Variants in RBFOX1 observed in about 807,000 individuals in gnomAD.
RBFOX1 encodes RNA binding fox-1 homolog 1, also known as RNA binding protein fox-1 homolog 1.
A neutral mutation model predicts 57.7 loss-of-function variants in RBFOX1; 8 were observed. The ratio of observed to expected loss-of-function variants is 0.14; its 90% confidence interval spans 0.08 to 0.25. The LOEUF (loss-of-function observed/expected upper bound fraction) is 0.25. Ranked by LOEUF, RBFOX1 falls within the 10% of genes least tolerant of loss-of-function variation. The pLI, the probability that RBFOX1 is intolerant of heterozygous loss-of-function variation, is 1.00. For synonymous variants in RBFOX1, 326 were observed against 222.4 expected (o/e 1.47, Z -4.15); for missense variants, 611 against 548.5 (o/e 1.11, Z -1.14).
At chr16:5,466,776 C>A (rs2068966795) in intron 1 of RBFOX1, among the ~76,000 whole-genome samples, 1 of 152,168 alleles carries the variant, frequency 6.6e-6, no homozygotes, top group African/African-American at 2.4e-5. Flanking sequence ...TGTCCCTGCC[C>A]CAGGGAGTGT....
intron 4 of RBFOX1, among the ~76,000 whole-genome samples, chr16:7,509,428 G>GTC (rs1567582917): frequency 6.9e-4 from 99 of 143,134 alleles, no homozygotes; most frequent in African/African-American, 2.6e-3. Flanking sequence ...GTGTGTGTGT[G>GTC]TGTCTGTGTC....
intron 2 of RBFOX1, among the ~76,000 whole-genome samples, chr16:6,433,907 G>A (rs2094166013): frequency 6.7e-6 from 1 of 148,392 alleles, no homozygotes; most frequent in South Asian, 2.1e-4. Context: ...GAATATAGTG[G>A]CACCATCTCT....
At chr16:7,470,591 G>A (rs146722039) in intron 4 of RBFOX1, among the ~76,000 whole-genome samples, 1 of 151,942 alleles carries the variant, frequency 6.6e-6, no homozygotes, top group Admixed American at 6.6e-5. Context: ...TGGATGGATG[G>A]GCGGATGGAT....
chr16:6,391,830 C>T (rs928201641), intron 2 of RBFOX1, among the ~76,000 whole-genome samples: 4 of 152,154 alleles, frequency 2.6e-5, no homozygotes, highest in Admixed American at 6.5e-5. Context: ...GAAGAGCTCA[C>T]ACTGAAGTAA....
intron 3 of RBFOX1, among the ~76,000 whole-genome samples, chr16:6,915,638 C>A (rs1268839140): frequency 2.0e-5 from 3 of 150,220 alleles, no homozygotes; most frequent in African/African-American, 4.9e-5. Flanking sequence ...GCAACCTCTG[C>A]CTCTCGGGTT....
intron 3 of RBFOX1, among the ~76,000 whole-genome samples, chr16:6,746,617 G>A (rs944519875): frequency 1.3e-5 from 2 of 151,960 alleles, no homozygotes; most frequent in Non-Finnish European, 2.9e-5. Flanking sequence ...AGTTGAGGCT[G>A]CAGTGACCTG....
At chr16:7,310,995 C>T (rs908866636) in intron 4 of RBFOX1, among the ~76,000 whole-genome samples, 2 of 152,340 alleles carry the variant, frequency 1.3e-5, no homozygotes, top group East Asian at 3.9e-4. Flanking sequence ...AATCCTCTGC[C>T]GTGTCCGGTC....
intron 2 of RBFOX1, among the ~76,000 whole-genome samples, chr16:6,498,851 G>A (rs1341569037): frequency 6.6e-6 from 1 of 152,146 alleles, no homozygotes; most frequent in Non-Finnish European, 1.5e-5. Context: ...CATGGTAAAA[G>A]CCATGGCACA....
Position 5,331,293 on chromosome 16 carries a change from G to A in RBFOX1, c.219+91188G>A, listed in dbSNP as rs530424460. Among the ~76,000 whole-genome samples the A allele has an allele frequency of 5.3e-5, 8 of 152,298 alleles. 1 individual carries two copies. The South Asian group carries it at 6.2e-4, about 12-fold the overall frequency. On this transcript the variant is annotated intron_variant, in intron 1 of 2. Coordinates refer to the RBFOX1 transcript ENST00000585867. ...ATGTATCTCACGTGCTTTGGGCTTC[G>A]TATCAGTCAACAAATGCTACAGAAG...
chr16:5,678,460 G>T (rs1384890017), intron 3 of RBFOX1, among the ~76,000 whole-genome samples: 2 of 152,192 alleles, frequency 1.3e-5, no homozygotes, highest in African/African-American at 4.8e-5. Flanking sequence ...AAAGTAAATA[G>T]ATTTAGGGCA....
At chr16:6,215,877 C>T (rs1039018849) in intron 1 of RBFOX1, among the ~76,000 whole-genome samples, 4 of 152,168 alleles carry the variant, frequency 2.6e-5, no homozygotes, top group African/African-American at 9.7e-5. Context: ...CACATGCCCA[C>T]TGAAAGGATC....
At chr16:6,016,275 G>T (rs987764347), upstream of RBFOX1, among the ~76,000 whole-genome samples, 2 of 151,400 alleles carry the variant, frequency 1.3e-5, no homozygotes, top group African/African-American at 4.8e-5. Context: ...GGCTGGGTAG[G>T]GAGTTGAGGG....
intron 4 of RBFOX1, among the ~76,000 whole-genome samples, chr16:7,485,851 C>G (rs936720806): frequency 6.6e-6 from 1 of 152,170 alleles, no homozygotes; most frequent in African/African-American, 2.4e-5. Context: ...CAGCAAGTGT[C>G]GGTCTGCAGG....
intron 5 of RBFOX1, 135 bp downstream of exon 5, chr16:7,518,524 A>G: frequency 1.0e-5 from 12 of 1,169,706 alleles, no homozygotes; most frequent in Non-Finnish European, 1.4e-5. Context: ...CCCTCATCAT[A>G]CCAGCTTCCT....
At chr16:6,119,640 TTGAAGGTGAGCTATAATCTAAAAC>T (rs1171939642) in intron 1 of RBFOX1, among the ~76,000 whole-genome samples, 1 of 152,188 alleles carries the variant, frequency 6.6e-6, no homozygotes, top group Non-Finnish European at 1.5e-5. Flanking sequence ...AACATTTATT[TTGAAGGTGAGCTATAATCTAAAAC>T]TGTCATTATT....
rs141869505 is a variant in RBFOX1, at chr16:7,592,307, G to A, written c.469-3242G>A. On this transcript the variant is annotated intron_variant, in intron 7 of 15. Coordinates refer to ENST00000550418, the MANE Select transcript of RBFOX1 (RefSeq NM_018723.4). ...TGAGGCTATTTCCTTTTTAGTTCATGCCCCTTCCTTGGGATTCAAAATGTA... is the reference window on the plus strand; with the variant it reads ...TGAGGCTATTTCCTTTTTAGTTCATACCCCTTCCTTGGGATTCAAAATGTA... Among the ~76,000 whole-genome samples the A allele has an allele frequency of 1.5e-3, 235 of 152,322 alleles. 2 individuals carry two copies. The highest frequency in any genetic ancestry group is 5.2e-3 in the African/African-American group (217 of 41,578).
intron 4 of RBFOX1, among the ~76,000 whole-genome samples, chr16:7,406,016 C>A (rs74012556): frequency 0.029 from 4,348 of 152,208 alleles, 187 homozygotes; most frequent in African/African-American, 0.099. Context: ...ACACACAGAG[C>A]ATATCCCCCA....
intron 2 of RBFOX1, among the ~76,000 whole-genome samples, chr16:6,558,519 C>T (rs1004867905): frequency 6.6e-6 from 1 of 152,116 alleles, no homozygotes; most frequent in African/African-American, 2.4e-5. Context: ...TTGGAAAAAT[C>T]AGCCTCCTGA....
chr16:6,210,420 AG>A (rs1456262350), intron 1 of RBFOX1, among the ~76,000 whole-genome samples: 4 of 151,336 alleles, frequency 2.6e-5, no homozygotes, highest in African/African-American at 9.7e-5. Context: ...AAGAAAGGAA[AG>A]GAAGGAAGAA....
Sources: gnomAD v4.1 joint callset for allele counts (sites outside exome capture counted in the v4.1 genomes callset) on GRCh38, gnomAD v4.1.1 for gene constraint, MANE v1.5 for transcripts, NCBI Gene and HGNC (gene_info 2026-07-23, HGNC 2026-07-21) for gene names.